SYNGR4: variants seen among roughly 807,000 people sequenced by gnomAD.
The protein encoded by SYNGR4 is synaptogyrin-4.
In SYNGR4, 15 loss-of-function variants were observed where a neutral mutation model predicts 15.5. That is an observed-to-expected ratio of 0.97 (90% CI 0.65 to 1.49). The LOEUF is 1.49. SYNGR4 is among the 40% of genes most tolerant of loss of function. SYNGR4 has a pLI of 0.00. For synonymous variants in SYNGR4, 121 were observed against 127.4 expected (o/e 0.95, Z 0.34); for missense variants, 292 against 299.3 (o/e 0.98, Z 0.18).
intron 2 of SYNGR4, among the ~76,000 whole-genome samples, chr19:48,368,689 GATT>G (rs2147403509): frequency 6.6e-6 from 1 of 151,112 alleles, no homozygotes; most frequent in Non-Finnish European, 1.5e-5. Flanking sequence ...CTTAAATAGT[GATT>G]ATTATCAAAA....
Position 48,375,595 on chromosome 19 carries a change from C to G in SYNGR4, c.332-18C>G. On this transcript the variant is annotated intron_variant, in intron 3 of 4. Transcript: ENST00000344846. ...TGAGCTTTCCCCCTGCCCCTTTTCTCTCCCTGTGACGCCACAGTTCTCTGG... is the reference window on the plus strand; with the variant it reads ...TGAGCTTTCCCCCTGCCCCTTTTCTGTCCCTGTGACGCCACAGTTCTCTGG... The G allele has an allele frequency of 3.7e-6, 6 of 1,601,382 alleles. No homozygotes were observed. Among genetic ancestry groups the G allele is most frequent in the Non-Finnish European group, 5.1e-6 (6 of 1,169,892 alleles).
chr19:48,371,446 C>T (rs185292709), intron 2 of SYNGR4, among the ~76,000 whole-genome samples: 195 of 152,314 alleles, frequency 1.3e-3, no homozygotes, highest in Admixed American at 2.0e-3. Flanking sequence ...AAATTTTCAC[C>T]GAATTTCGTT....
chr19:48,369,266 G>A (rs904693543), intron 2 of SYNGR4, among the ~76,000 whole-genome samples: 1 of 150,080 alleles, frequency 6.7e-6, no homozygotes, highest in African/African-American at 2.5e-5. Context: ...GACAGGCCAG[G>A]GAGGGCATGG....
At position 48,373,667 on chromosome 19, in the gene SYNGR4, G is replaced by C; in HGVS notation, c.244G>C (p.Ala82Pro). ...AGFLAFLSCL[A>P]FLVLDTQETR... The stretch of plus-strand genomic sequence containing the variant: ...CTTCCTGGCCTTCCTCAGCTGCCTG[G>C]CCTTCCTCGTCCTGGACACACAGGA... Residue 82 changes from alanine to proline, a missense_variant, in exon 3 of 5, where the codon GCC (alanine) becomes CCC (proline). Coordinates refer to ENST00000344846, the MANE Select transcript of SYNGR4 (RefSeq NM_012451.4). 2 of 1,613,836 alleles carry C rather than the reference G, an allele frequency of 1.2e-6. No individual in the cohort carries two copies. Among genetic ancestry groups the C allele is most frequent in the Admixed American group, 1.7e-5 (1 of 60,002 alleles).
At chr19:48,373,063 A>G in intron 2 of SYNGR4, 1 of 167,886 alleles carries the variant, frequency 6.0e-6, no homozygotes, top group Non-Finnish European at 1.3e-5. Flanking sequence ...GCAGAAGGAG[A>G]GTGTGGGGGA....
In SYNGR4 at chr19:48,373,219, T is replaced by G. The variant is rs1600946549; in HGVS notation, c.94-298T>G. ...GGCTGTGGCAGGGAGGGGCAGGGTG[T>G]GGAAAGACTCCCCTGGGGCCATGGT... On this transcript the variant is annotated intron_variant, in intron 2 of 4. Transcript: ENST00000344846. 1.5e-5 allele frequency: 6 copies of G among 387,172 alleles called. No homozygotes were observed. In the South Asian group the frequency reaches 1.7e-4, roughly 11 times the overall value. 24.0% of individuals were successfully genotyped at this position (387,172 alleles called of 1,614,324 possible). A position where few individuals can be genotyped will look rare whatever the true frequency, so the allele number is the denominator to read the frequency against.
At chr19:48,369,722 C>T (rs1970276282) in intron 2 of SYNGR4, among the ~76,000 whole-genome samples, 1 of 152,178 alleles carries the variant, frequency 6.6e-6, no homozygotes, top group Non-Finnish European at 1.5e-5. Flanking sequence ...ATCTCCACCA[C>T]GTGGGGCCGG....
intron 1 of SYNGR4, among the ~76,000 whole-genome samples, chr19:48,365,403 GC>G (rs1381148809): frequency 3.4e-5 from 1 of 29,580 alleles, no homozygotes; most frequent in Non-Finnish European, 7.0e-5. Context: ...ACCCCTAGTA[GC>G]CCCCTCACCA....
At chr19:48,367,432 A>T (rs1020919699) in intron 2 of SYNGR4, among the ~76,000 whole-genome samples, 2 of 131,688 alleles carry the variant, frequency 1.5e-5, no homozygotes, top group East Asian at 2.0e-4. Context: ...GACTCCATTT[A>T]AAAAAAAAAA....
chr19:48,375,344 AAT>A (rs1970384577), intron 3 of SYNGR4, among the ~76,000 whole-genome samples: 1 of 151,998 alleles, frequency 6.6e-6, no homozygotes, highest in Admixed American at 6.6e-5. Context: ...TGTGTTAATG[AAT>A]AGAAATTTAA....
intron 2 of SYNGR4, among the ~76,000 whole-genome samples, chr19:48,371,513 G>A (rs1021838948): frequency 2.0e-5 from 3 of 151,962 alleles, no homozygotes; most frequent in Admixed American, 1.3e-4. Context: ...AGAGCAAGAG[G>A]TCAAGGGCAG....
chr19:48,373,532 G>T lies in SYNGR4; in HGVS notation c.109G>T (p.Val37Phe), dbSNP rs369599686. 2 of 1,613,554 alleles carry T rather than the reference G, an allele frequency of 1.2e-6. No individual in the cohort carries two copies. The highest frequency in any genetic ancestry group is 1.7e-6 in the Non-Finnish European group (2 of 1,179,986). Residue 37 changes from valine (V) to phenylalanine (F), a missense_variant, in exon 3 of 5, where the codon GTC becomes TTC. Transcript: ENST00000344846. ...AAATCCACAGGTCTTCTCCCTGATCGTCTTCTCCTCCCTGCTGACCGACGG... is the reference window on the plus strand; with the variant it reads ...AAATCCACAGGTCTTCTCCCTGATCTTCTTCTCCTCCCTGCTGACCGACGG... Reference protein sequence around the residue: ...RVFEGVFSLIVFSSLLTDGYQ... With the variant: ...RVFEGVFSLIFFSSLLTDGYQ...
intron 2 of SYNGR4, among the ~76,000 whole-genome samples, chr19:48,367,777 T>C (rs1199976135): frequency 2.6e-5 from 4 of 152,208 alleles, no homozygotes; most frequent in African/African-American, 7.2e-5. Context: ...GCCCAGACTT[T>C]GCTGTGTGAT....
At chr19:48,368,101 GC>G (rs1970247468) in intron 2 of SYNGR4, among the ~76,000 whole-genome samples, 1 of 152,202 alleles carries the variant, frequency 6.6e-6, no homozygotes, top group Non-Finnish European at 1.5e-5. Flanking sequence ...GTGGCATACT[GC>G]CCAGTTTACC....
chr19:48,366,095 C>G (rs938536779), intron 2 of SYNGR4, among the ~76,000 whole-genome samples, 160 bp downstream of exon 2: 5 of 152,202 alleles, frequency 3.3e-5, no homozygotes, highest in African/African-American at 1.2e-4. Context: ...GAGCACCCCA[C>G]TATAGGCCCT....
chr19:48,373,261 G>A, intron 2 of SYNGR4: 1 of 515,224 alleles, frequency 1.9e-6, no homozygotes, highest in Non-Finnish European at 3.5e-6. Context: ...GTGCTGAGGT[G>A]GGGAAGACTG....
intron 3 of SYNGR4, among the ~76,000 whole-genome samples, chr19:48,374,411 C>A (rs939915060): frequency 6.6e-6 from 1 of 152,162 alleles, no homozygotes; most frequent in Non-Finnish European, 1.5e-5. Flanking sequence ...GCCAAACACT[C>A]CCGATGGAGC....
In SYNGR4 at chr19:48,369,302, G is replaced by A. The variant is rs529476488; in HGVS notation, c.93+3367G>A. Among the ~76,000 whole-genome samples the A allele has an allele frequency of 6.5e-4, 69 of 106,322 alleles. No individual in the cohort carries two copies. The South Asian group carries it at 0.011, about 17-fold the overall frequency. The allele number at this position is 106,322 out of a possible 152,430, so 69.8% of individuals were successfully genotyped here. A position where few individuals can be genotyped will look rare whatever the true frequency, so the allele number is the denominator to read the frequency against. ...AAGGAGTTTGGACTGAAGCTTAAGA[G>A]GGATAGGGTCCCTCTAGCCCAGATG... On this transcript the variant is annotated intron_variant, in intron 2 of 4. Transcript: ENST00000344846.
chr19:48,365,968 G>C, intron 2 of SYNGR4, 33 bp downstream of exon 2: 1 of 1,609,290 alleles, frequency 6.2e-7, no homozygotes, highest in Non-Finnish European at 8.5e-7. Context: ...CTGTGCCCCT[G>C]GGTGACAGGA....
Sources: allele counts gnomAD v4.1 joint callset (sites outside exome capture counted in the v4.1 genomes callset), GRCh38; gene constraint gnomAD v4.1.1; transcripts MANE v1.5; gene names NCBI Gene and HGNC (gene_info 2026-07-23, HGNC 2026-07-21).